The following SNTG1 variants were observed in gnomAD, a reference collection of about 807,000 sequenced individuals.
The protein encoded by SNTG1 is syntrophin gamma 1, also known as gamma-1-syntrophin.
A neutral mutation model predicts 74.7 loss-of-function variants in SNTG1; 39 were observed. The observed-to-expected ratio is 0.52, with a 90% CI of 0.40 to 0.68. The LOEUF (loss-of-function observed/expected upper bound fraction) is 0.68. SNTG1 is among the 30% of genes least tolerant of loss of function. SNTG1 has a pLI of 0.00. For missense variants in SNTG1, 685 were observed against 609.5 expected, an observed-to-expected ratio of 1.12 and a Z score of -1.30; for synonymous variants, 254 against 217.1, an observed-to-expected ratio of 1.17 and a Z score of -1.49.
At chr8:50,761,394 T>C (rs1372607516) in intron 18 of SNTG1, among the ~76,000 whole-genome samples, 5 of 151,916 alleles carry the variant, frequency 3.3e-5, no homozygotes, top group Admixed American at 1.3e-4. Context: ...CTCAGTCTTT[T>C]AGCTGGCCTG....
Position 50,708,974 on chromosome 8 carries a change from C to T in SNTG1, c.1280C>T (p.Thr427Ile). Residue 427 changes from threonine to isoleucine, a missense_variant, in exon 17 of 19, where the codon ACA (threonine) becomes ATA (isoleucine). Coordinates refer to ENST00000642720, the MANE Select transcript of SNTG1 (RefSeq NM_018967.5). ...GGATTTATCTGCTTTGATGCTGCAACAAAGGTAATGTGTTCAGGTCAGCTC... is the reference window on the plus strand; with the variant it reads ...GGATTTATCTGCTTTGATGCTGCAATAAAGGTAATGTGTTCAGGTCAGCTC... ...STGFICFDAA[T>I]KAVLWRYKFS... 6.2e-7 allele frequency: 1 copy of T among 1,611,908 alleles called. No individual in the cohort carries two copies. Among genetic ancestry groups the T allele is most frequent in the Non-Finnish European group, 8.5e-7 (1 of 1,178,194 alleles).
intron 17 of SNTG1, among the ~76,000 whole-genome samples, chr8:50,718,336 C>T (rs2095479653): frequency 2.6e-5 from 4 of 152,168 alleles, no homozygotes; most frequent in Non-Finnish European, 5.9e-5. Context: ...GAACTTTGGA[C>T]TTCATGTTGA....
At chr8:50,521,653 C>A (rs1446888269) in intron 9 of SNTG1, among the ~76,000 whole-genome samples, 1 of 152,130 alleles carries the variant, frequency 6.6e-6, no homozygotes, top group East Asian at 1.9e-4. Context: ...GGATTTTACC[C>A]ATATTAGAAC....
chr8:50,342,667 T>C (rs537221339), intron 2 of SNTG1, among the ~76,000 whole-genome samples: 2 of 152,136 alleles, frequency 1.3e-5, no homozygotes, highest in Non-Finnish European at 2.9e-5. Flanking sequence ...ACTGAAGCCA[T>C]GTAGGTAAGA....
chr8:50,054,387 C>A (rs979026471), intron 1 of SNTG1, among the ~76,000 whole-genome samples: 7 of 152,098 alleles, frequency 4.6e-5, no homozygotes, highest in Non-Finnish European at 7.4e-5. Flanking sequence ...GATTTTACTT[C>A]TCTCCAATTA....
At chr8:50,154,314 C>T (rs1249974878) in intron 1 of SNTG1, among the ~76,000 whole-genome samples, 1 of 152,102 alleles carries the variant, frequency 6.6e-6, no homozygotes, top group African/African-American at 2.4e-5. Context: ...CCCAATTTTC[C>T]AGGTACTGTC....
chr8:50,572,281 G>T (rs867675605), intron 12 of SNTG1, among the ~76,000 whole-genome samples: 5,774 of 147,004 alleles, frequency 0.039, 147 homozygotes, highest in African/African-American at 0.049. Context: ...TATATAGAGA[G>T]AGAGAGAGAG....
At chr8:50,362,415 A>G (rs911234064) in intron 2 of SNTG1, among the ~76,000 whole-genome samples, 22 of 152,192 alleles carry the variant, frequency 1.4e-4, no homozygotes, top group Non-Finnish European at 4.4e-5. Flanking sequence ...TCTTCTAATG[A>G]GGGAAGGGAG....
intron 2 of SNTG1, among the ~76,000 whole-genome samples, chr8:50,222,529 A>C (rs1387467487): frequency 6.6e-6 from 1 of 152,172 alleles, no homozygotes. Context: ...AAAATATATG[A>C]TAAAGTGTTT....
intron 8 of SNTG1, among the ~76,000 whole-genome samples, chr8:50,494,166 TAC>T (rs1033906127): frequency 1.3e-4 from 19 of 151,404 alleles, no homozygotes; most frequent in African/African-American, 4.6e-4. Context: ...TATATATATG[TAC>T]ACACACACAT....
rs567769427 is a variant in SNTG1, at chr8:50,012,701, G to A, written c.-103+100470G>A. On this transcript the variant is annotated intron_variant, in intron 1 of 18. Coordinates refer to ENST00000642720, the MANE Select transcript of SNTG1 (RefSeq NM_018967.5). ...GGGGGTCACATGGGGGAGCACTTGG[G>A]TGAGTCTGGAGACAGAGACAAAAGG... 2.0e-5 allele frequency among the ~76,000 whole-genome samples: 3 copies of A among 152,204 alleles called. No homozygotes were observed. In the East Asian group the frequency reaches 5.8e-4, roughly 29 times the overall value.
chr8:49,996,074 T>C (rs889327169), intron 1 of SNTG1, among the ~76,000 whole-genome samples: 1 of 152,146 alleles, frequency 6.6e-6, no homozygotes, highest in Non-Finnish European at 1.5e-5. Context: ...AGAAAATATA[T>C]GATATTTACT....
intron 2 of SNTG1, among the ~76,000 whole-genome samples, chr8:50,345,434 CCCTCTTGAATCTTT>C (rs1321391897): frequency 7.9e-5 from 12 of 152,182 alleles, no homozygotes; most frequent in African/African-American, 2.9e-4. Flanking sequence ...CCCTACTCTG[CCCTCTTGAATCTTT>C]ACTCTGTCTT....
intron 1 of SNTG1, among the ~76,000 whole-genome samples, chr8:50,025,569 G>A (rs1432482307): frequency 6.6e-6 from 1 of 152,122 alleles, no homozygotes; most frequent in Non-Finnish European, 1.5e-5. Context: ...GAAGAAGATA[G>A]ATAGGGAAAG....
intron 1 of SNTG1, among the ~76,000 whole-genome samples, chr8:50,120,571 TA>T: frequency 2.2e-5 from 1 of 46,412 alleles, no homozygotes; most frequent in East Asian, 7.1e-3. Context: ...CCACTACTAG[TA>T]CCACTACTAC....
At chr8:50,454,671 A>G (rs895299921) in intron 8 of SNTG1, among the ~76,000 whole-genome samples, 1 of 151,708 alleles carries the variant, frequency 6.6e-6, no homozygotes, top group African/African-American at 2.4e-5. Context: ...GTGAAACCCT[A>G]TCTCTACTAA....
chr8:50,745,399 T>A (rs1021132755), intron 17 of SNTG1, among the ~76,000 whole-genome samples: 15 of 151,964 alleles, frequency 9.9e-5, no homozygotes, highest in African/African-American at 3.6e-4. Context: ...AACAAAGTTG[T>A]TGATGAGGAT....
intron 1 of SNTG1, among the ~76,000 whole-genome samples, chr8:49,970,198 G>C (rs1811532531): frequency 6.6e-6 from 1 of 152,032 alleles, no homozygotes; most frequent in Non-Finnish European, 1.5e-5. Context: ...AAATTTCACA[G>C]TGCCTATTTG....
chr8:50,725,417 A>G (rs561625905), intron 17 of SNTG1, among the ~76,000 whole-genome samples: 21 of 152,280 alleles, frequency 1.4e-4, no homozygotes, highest in African/African-American at 4.1e-4. Context: ...TAAAACATCA[A>G]ACTGTAAGAT....
Sources: gnomAD v4.1 joint callset for allele counts (sites outside exome capture counted in the v4.1 genomes callset) on GRCh38, gnomAD v4.1.1 for gene constraint, MANE v1.5 for transcripts, NCBI Gene and HGNC (gene_info 2026-07-23, HGNC 2026-07-21) for gene names.